The following P2RX4 variants were observed in gnomAD, a reference collection of about 807,000 sequenced individuals.
P2RX4 encodes purinergic receptor P2X 4, also known as P2X purinoceptor 4.
A neutral mutation model predicts 48.0 loss-of-function variants in P2RX4; 37 were observed. That is an observed-to-expected ratio of 0.77 (90% CI 0.59 to 1.01). The LOEUF (loss-of-function observed/expected upper bound fraction) is 1.01. Among genes scored for constraint, P2RX4 ranks in the 50% least tolerant of loss-of-function variants. P2RX4 has a pLI of 0.00. For missense variants in P2RX4, 501 were observed against 521.4 expected (o/e 0.96, Z 0.38); for synonymous variants, 200 against 199.7 (o/e 1.00, Z -0.01).
In P2RX4 at chr12:121,229,091, CA is replaced by C; in HGVS notation, c.878del (p.Asn293IlefsTer44). Reference protein sequence around the residue: ...DVEHNVSPGYNFRFAKYYRDL... With the variant: ...DVEHNVSPGYXFRFAKYYRDL... ...TTGAGCACAACGTATCTCCTGGCTA[CA>C]ATTTCAGGTGGGCGTGAGCTTGGGC... On this transcript the variant is annotated frameshift_variant, in exon 8 of 12. Transcript: ENST00000337233. LOFTEE classifies it high-confidence loss of function. This position sits in a 1 kb window ranked among gnomAD's most constrained non-coding sequence, Gnocchi z 4.6. The C allele has an allele frequency of 6.2e-7, 1 of 1,614,126 alleles. No homozygotes were observed. The highest frequency in any genetic ancestry group is 8.5e-7 in the Non-Finnish European group (1 of 1,180,016).
intron 1 of P2RX4, among the ~76,000 whole-genome samples, chr12:121,211,186 G>A (rs1027309815): frequency 3.9e-5 from 6 of 152,226 alleles, no homozygotes; most frequent in African/African-American, 1.4e-4. Context: ...GTACTTGAAG[G>A]CACCTGTTAC....
At chr12:121,223,275 CAT>C (rs1233679943) in intron 5 of P2RX4, 2 of 476,366 alleles carry the variant, frequency 4.2e-6, no homozygotes, top group East Asian at 8.0e-5. Context: ...GGGGTTTTGC[CAT>C]GTTGGCCACG....
chr12:121,212,820 A>ATCTT (rs1268523637), intron 1 of P2RX4: 1 of 42,762 alleles, frequency 2.3e-5, no homozygotes, highest in Admixed American at 3.0e-4. Flanking sequence ...ATATATATAT[A>ATCTT]TATATTTTTT....
At position 121,232,386 on chromosome 12, in the gene P2RX4, C is replaced by T. The variant is rs745837107; in HGVS notation, c.885-28C>T. The T allele has an allele frequency of 1.3e-6, 2 of 1,518,278 alleles. No individual in the cohort carries two copies. Among genetic ancestry groups the T allele is most frequent in the Admixed American group, 1.7e-5 (1 of 58,958 alleles). 94.1% of individuals were successfully genotyped at this position (1,518,278 alleles called of 1,614,324 possible). ...GCCCAAGGTCCTGCCCCAGCCATCT[C>T]CCCCTGATCCATCCTCCTTCCCCTC... is the stretch of plus-strand genomic sequence containing the variant. On this transcript the variant is annotated intron_variant, in intron 8 of 11. Transcript: ENST00000337233. The surrounding 1 kb of genome is among the most constrained non-coding windows in gnomAD (Gnocchi z 4.3).
rs924496410 is a variant in P2RX4, at chr12:121,210,352, C to T, written c.134+54C>T. On this transcript the variant is annotated intron_variant, in intron 1 of 11. Transcript: ENST00000337233. ...GCGGGTGCTGCCCTCGCGTCCGCGCCGTGCGGCGGCTCATCCTGGCCTCGG... is the reference window on the plus strand; with the variant it reads ...GCGGGTGCTGCCCTCGCGTCCGCGCTGTGCGGCGGCTCATCCTGGCCTCGG... 9 of 1,405,524 alleles carry T rather than the reference C, an allele frequency of 6.4e-6. No individual in the cohort carries two copies. In the African/African-American group the frequency reaches 1.1e-4, roughly 17 times the overall value. The allele number at this position is 1,405,524 out of a possible 1,614,324, so 87.1% of individuals were successfully genotyped here. A position where few individuals can be genotyped will look rare whatever the true frequency, so the allele number is the denominator to read the frequency against.
intron 2 of P2RX4, among the ~76,000 whole-genome samples, chr12:121,217,614 TA>T (rs1184126651): frequency 6.6e-6 from 1 of 151,820 alleles, no homozygotes; most frequent in Non-Finnish European, 1.5e-5. Flanking sequence ...ATACACGAGG[TA>T]AATCTTTTCA....
chr12:121,222,854 G>A, intron 4 of P2RX4, 93 bp from the exon 5 acceptor site: 1 of 1,404,460 alleles, frequency 7.1e-7, no homozygotes. Flanking sequence ...CTGCATGGGA[G>A]GCTGGATGGG....
At chr12:121,222,398 G>GTTTTTTTTTTTGTTTTTTTTTTT in intron 4 of P2RX4, 1 of 425,550 alleles carries the variant, frequency 2.3e-6, no homozygotes, top group East Asian at 4.0e-5. Context: ...GTTTTTTCTT[G>GTTTTTTTTTTTGTTTTTTTTTTT]TTTTTTTTTT....
In P2RX4 at chr12:121,233,493, A is replaced by T. The variant is rs768777637; in HGVS notation, c.1141-30A>T. The stretch of plus-strand genomic sequence containing the variant: ...GCCTGCCACAAGGGGTCCCAGGGGC[A>T]CCTTGATCTGCTTGTGTCCTTCTTT... On this transcript the variant is annotated intron_variant, in intron 11 of 11. Transcript: ENST00000337233. 5.0e-6 allele frequency: 8 copies of T among 1,599,968 alleles called. No homozygotes were observed. In the South Asian group the frequency reaches 7.9e-5, roughly 16 times the overall value.
In P2RX4 at chr12:121,229,068, G is replaced by C; in HGVS notation, c.853G>C (p.Glu285Gln). The C allele has an allele frequency of 6.2e-7, 1 of 1,614,130 alleles. No homozygotes were observed. The highest frequency in any genetic ancestry group is 1.1e-5 in the South Asian group (1 of 91,080). ...CCGCCGCCTCGATACACGGGACGTT[G>C]AGCACAACGTATCTCCTGGCTACAA... ...SFRRLDTRDV[E>Q]HNVSPGYNFR... Residue 285 changes from glutamate to glutamine, a missense_variant, in exon 8 of 12, where the codon GAG (glutamate) becomes CAG (glutamine). Transcript: ENST00000337233. The surrounding 1 kb of genome is among the most constrained non-coding windows in gnomAD (Gnocchi z 4.6).
At chr12:121,221,398 ATTT>A (rs112486751) in intron 2 of P2RX4, among the ~76,000 whole-genome samples, 9 of 123,420 alleles carry the variant, frequency 7.3e-5, no homozygotes, top group Admixed American at 8.1e-5. Context: ...TGTTTCCACC[ATTT>A]TTTTTTTTTT....
In P2RX4 at chr12:121,232,487, G is replaced by T. The variant is rs761067441; in HGVS notation, c.958G>T (p.Asp320Tyr). Reference sequence around the variant, plus strand: ...CATCAAGGCCTATGGCATCCGCTTCGACATCATTGTGTTTGGGAAGGTAGC... The same window carrying T: ...CATCAAGGCCTATGGCATCCGCTTCTACATCATTGTGTTTGGGAAGGTAGC... ...TLIKAYGIRF[D>Y]IIVFGKAGKF... Residue 320 changes from aspartate to tyrosine, a missense_variant, in exon 9 of 12, where the codon GAC becomes TAC. Physicochemically the swap from Asp to Tyr is radical, Grantham distance 160. Around this residue, in one of 3 missense-constraint regions of P2RX4, gnomAD observed 197 missense variants for 219.5 expected, o/e 0.90. Coordinates refer to ENST00000337233, the MANE Select transcript of P2RX4 (RefSeq NM_002560.3). This position sits in a 1 kb window ranked among gnomAD's most constrained non-coding sequence, Gnocchi z 4.3. The T allele has an allele frequency of 6.2e-7, 1 of 1,613,942 alleles. No individual in the cohort carries two copies. Among genetic ancestry groups the T allele is most frequent in the African/African-American group, 1.3e-5 (1 of 74,934 alleles).
chr12:121,230,115 G>A (rs1432570354), intron 8 of P2RX4, among the ~76,000 whole-genome samples: 2 of 152,142 alleles, frequency 1.3e-5, no homozygotes, highest in Non-Finnish European at 2.9e-5. Context: ...AAAAGGAAGC[G>A]CTCCAGGCCG....
At chr12:121,215,176 A>G (rs1363948087) in intron 1 of P2RX4, 3 of 152,128 alleles carry the variant, frequency 2.0e-5, no homozygotes, top group Non-Finnish European at 4.4e-5. Context: ...GTACTGGCCA[A>G]TTTCCACGGT....
intron 1 of P2RX4, 125 bp downstream of exon 1, chr12:121,210,423 T>G: frequency 1.1e-6 from 1 of 942,292 alleles, no homozygotes; most frequent in Non-Finnish European, 1.4e-6. Context: ...GGTGACACCT[T>G]CCCTGGGCCC....
In P2RX4 at chr12:121,222,978, C is replaced by T. The variant is rs1287991363; in HGVS notation, c.459C>T (p.Asn153=). ...GVSTGRCVAF[N]GSVKTCEVAA... ...CAACAGGCAGGTGCGTAGCTTTCAA[C>T]GGGTCTGTCAAGACGTGTGAGGTGG... is the stretch of plus-strand genomic sequence containing the variant. The change falls in exon 5 of 12, where the codon AAC becomes AAT. Residue 153 remains asparagine (N), a synonymous_variant. Transcript: ENST00000337233. 5.0e-6 allele frequency: 8 copies of T among 1,613,538 alleles called. No homozygotes were observed. The highest frequency in any genetic ancestry group is 5.9e-6 in the Non-Finnish European group (7 of 1,179,484).
At chr12:121,219,827 AT>A (rs1311324130) in intron 2 of P2RX4, among the ~76,000 whole-genome samples, 2 of 91,880 alleles carry the variant, frequency 2.2e-5, no homozygotes, top group East Asian at 6.2e-4. Flanking sequence ...TATAGGATAG[AT>A]TAGATAGATA....
In P2RX4 at chr12:121,210,213, A is replaced by C. The variant is rs773040709; in HGVS notation, c.49A>C (p.Thr17Pro). 1.9e-6 allele frequency: 3 copies of C among 1,556,074 alleles called. No individual in the cohort carries two copies. Among genetic ancestry groups the C allele is most frequent in the Non-Finnish European group, 2.6e-6 (3 of 1,156,286 alleles). Reference protein sequence around the residue: ...ALAAFLFEYDTPRIVLIRSRK... With the variant: ...ALAAFLFEYDPPRIVLIRSRK... The stretch of plus-strand genomic sequence containing the variant: ...GGCGGCCTTCCTGTTCGAGTACGAC[A>C]CGCCGCGCATCGTGCTCATCCGCAG... The change falls in exon 1 of 12, where the codon ACG (threonine) becomes CCG (proline). Residue 17 changes from threonine to proline, a missense_variant. Physicochemically the swap from Thr to Pro is conservative, Grantham distance 38. Transcript: ENST00000337233.
intron 5 of P2RX4, among the ~76,000 whole-genome samples, chr12:121,223,886 G>A (rs1247954355): frequency 2.0e-5 from 3 of 152,128 alleles, no homozygotes; most frequent in Middle Eastern, 3.4e-3. Context: ...CTGCCTGGGC[G>A]ACAGAGTGAG....
Sources: gnomAD v4.1 joint callset for allele counts (sites outside exome capture counted in the v4.1 genomes callset) on GRCh38, gnomAD v4.1.1 for gene constraint, gnomAD v4.1.1 regional missense constraint, Gnocchi (gnomAD v3.1) non-coding constraint, MANE v1.5 for transcripts, NCBI Gene and HGNC (gene_info 2026-07-23, HGNC 2026-07-21) for gene names.